The following UPF2 variants were observed in gnomAD, a reference collection of about 807,000 sequenced individuals.
UPF2 encodes UPF2 regulator of nonsense mediated mRNA decay, also known as regulator of nonsense transcripts 2.
In UPF2, 17 loss-of-function variants were observed where a neutral mutation model predicts 141.4. The observed-to-expected ratio is 0.12, with a 90% CI of 0.08 to 0.18. The LOEUF is 0.18. Ranked by LOEUF, UPF2 falls within the 10% of genes least tolerant of loss-of-function variation. UPF2 has a pLI of 1.00. For synonymous variants in UPF2, 540 were observed against 498.0 expected (o/e 1.08, Z -1.12); for missense variants, 1,152 against 1,515.9 (o/e 0.76, Z 3.99).
chr10:11,988,898 G>A (rs953710240), intron 8 of UPF2, among the ~76,000 whole-genome samples: 4 of 152,156 alleles, frequency 2.6e-5, no homozygotes, highest in African/African-American at 9.7e-5. Context: ...TATGGGGTCT[G>A]GAAGAATCAG....
At chr10:11,960,689 G>T (rs2131196185) in intron 11 of UPF2, among the ~76,000 whole-genome samples, 1 of 152,102 alleles carries the variant, frequency 6.6e-6, no homozygotes, top group Non-Finnish European at 1.5e-5. Context: ...AGGACTGCCT[G>T]AACCCAGGAG....
At chr10:11,970,219 A>T (rs1588543758) in intron 9 of UPF2, among the ~76,000 whole-genome samples, 1 of 152,356 alleles carries the variant, frequency 6.6e-6, no homozygotes, top group South Asian at 2.1e-4. Context: ...AATGTACAGG[A>T]CAAAAGAAGA....
intron 3 of UPF2, among the ~76,000 whole-genome samples, chr10:12,021,976 C>T (rs1223582112): frequency 1.3e-5 from 2 of 152,072 alleles, no homozygotes; most frequent in Admixed American, 1.3e-4. Context: ...CCTGTCTCTG[C>T]TAAAAATACA....
chr10:12,020,232 T>TG (rs1834293298), intron 3 of UPF2, among the ~76,000 whole-genome samples: 1 of 151,832 alleles, frequency 6.6e-6, no homozygotes, highest in East Asian at 1.9e-4. Context: ...CTTTGTATTA[T>TG]CCTAAAAAAT....
chr10:12,030,463 G>A (rs1308630818), intron 2 of UPF2, among the ~76,000 whole-genome samples: 1 of 151,940 alleles, frequency 6.6e-6, no homozygotes, highest in Non-Finnish European at 1.5e-5. Flanking sequence ...AAACCTGGGA[G>A]TCGGAGACTG....
chr10:12,008,642 A>G (rs2131277031), intron 4 of UPF2, among the ~76,000 whole-genome samples: 1 of 151,902 alleles, frequency 6.6e-6, no homozygotes, highest in South Asian at 2.1e-4. Flanking sequence ...AAAAAAAAAA[A>G]AAAAAAAAAG....
intron 14 of UPF2, 124 bp downstream of exon 14, chr10:11,955,108 T>C: frequency 2.1e-6 from 2 of 937,956 alleles, no homozygotes; most frequent in African/African-American, 3.4e-5. Context: ...ATATGAAGAA[T>C]ATAATCTAAT....
intron 8 of UPF2, among the ~76,000 whole-genome samples, chr10:11,987,783 A>G (rs1018426631): frequency 1.3e-5 from 2 of 148,698 alleles, no homozygotes; most frequent in African/African-American, 4.9e-5. Flanking sequence ...AAAAAAAAAA[A>G]AAAAAAGGCT....
chr10:11,949,564 C>G (rs147269359), intron 15 of UPF2, among the ~76,000 whole-genome samples: 19 of 152,244 alleles, frequency 1.2e-4, no homozygotes, highest in Non-Finnish European at 2.4e-4. Flanking sequence ...TATAAGACCC[C>G]TGAGGACAAA....
At chr10:11,968,287 C>T (rs915916624) in intron 9 of UPF2, among the ~76,000 whole-genome samples, 2 of 152,062 alleles carry the variant, frequency 1.3e-5, no homozygotes, top group Non-Finnish European at 2.9e-5. Context: ...GTTCCATGGT[C>T]GAGTAATTTG....
At chr10:11,985,668 G>A (rs545661562) in intron 8 of UPF2, among the ~76,000 whole-genome samples, 14 of 151,134 alleles carry the variant, frequency 9.3e-5, no homozygotes, top group Non-Finnish European at 1.9e-4. Context: ...TGCTTTCTTC[G>A]TGTTCTGTCT....
chr10:11,939,092 G>A lies in UPF2; in HGVS notation c.3379-2380C>T, dbSNP rs966362933. ...TCACCGTGTTAGCTAGGAGGGTCTC[G>A]ATCTCCTGACCTCGTGATCCTCCCA... is the stretch of plus-strand genomic sequence containing the variant. On this transcript the variant is annotated intron_variant, in intron 18 of 21. Coordinates refer to ENST00000357604, the MANE Select transcript of UPF2 (RefSeq NM_015542.4). The surrounding 1 kb of genome is among the most constrained non-coding windows in gnomAD (Gnocchi z 4.8). Among the ~76,000 whole-genome samples, 3 of 151,796 alleles carry A rather than the reference G, an allele frequency of 2.0e-5. No individual in the cohort carries two copies. The highest frequency in any genetic ancestry group is 1.9e-4 in the East Asian group (1 of 5,166).
chr10:11,926,214 C>T (rs1286940843), intron 21 of UPF2, among the ~76,000 whole-genome samples: 2 of 152,232 alleles, frequency 1.3e-5, no homozygotes, highest in African/African-American at 4.8e-5. Context: ...AATAACACAA[C>T]TTCCTTTTCT....
Position 12,042,295 on chromosome 10 carries a change from C to T in UPF2, c.-19+460G>A, listed in dbSNP as rs377563743. 2.6e-5 allele frequency among the ~76,000 whole-genome samples: 4 copies of T among 152,210 alleles called. No homozygotes were observed. In the East Asian group the frequency reaches 7.7e-4, roughly 29 times the overall value. On this transcript the variant is annotated intron_variant, in intron 1 of 21. Coordinates refer to ENST00000357604, the MANE Select transcript of UPF2 (RefSeq NM_015542.4). This position sits in a 1 kb window ranked among gnomAD's most constrained non-coding sequence, Gnocchi z 5.5. ...CCCAACTTCTCGCCCCACACTCCCT[C>T]GCCACAGAAGCCTTCCCGGCCGGTC...
chr10:11,956,637 T>G lies in UPF2; in HGVS notation c.2371-114A>C, dbSNP rs536099260. Reference sequence around the variant, plus strand: ...AGAACTTTTGAAATAGAAAATACATTAGAAATCCTCTATCGGCCTCTTCAG... The same window carrying G: ...AGAACTTTTGAAATAGAAAATACATGAGAAATCCTCTATCGGCCTCTTCAG... On this transcript the variant is annotated intron_variant, in intron 12 of 21. Transcript: ENST00000357604. The surrounding 1 kb of genome is among the most constrained non-coding windows in gnomAD (Gnocchi z 4.2). 2 of 893,950 alleles carry G rather than the reference T, an allele frequency of 2.2e-6. No homozygotes were observed. The highest frequency in any genetic ancestry group is 3.0e-5 in the South Asian group (2 of 66,158). The allele number at this position is 893,950 out of a possible 1,614,324, so 55.4% of individuals were successfully genotyped here.
chr10:11,958,512 G>C (rs942574198), intron 12 of UPF2, among the ~76,000 whole-genome samples: 2 of 152,124 alleles, frequency 1.3e-5, no homozygotes, highest in African/African-American at 4.8e-5. Context: ...GAGGAAGCTG[G>C]TTTCAATTTT....
At chr10:11,994,572 A>G (rs1221186201) in intron 8 of UPF2, among the ~76,000 whole-genome samples, 3 of 152,188 alleles carry the variant, frequency 2.0e-5, no homozygotes, top group Admixed American at 2.0e-4. Context: ...AGAGCCTTAT[A>G]ATTTATTATT....
chr10:11,970,719 C>G (rs1053090836), intron 9 of UPF2, among the ~76,000 whole-genome samples: 15 of 152,008 alleles, frequency 9.9e-5, no homozygotes, highest in African/African-American at 3.4e-4. Context: ...GGCTGAGGCA[C>G]AAGAATTGCT....
At chr10:11,964,763 C>T (rs931087351) in intron 10 of UPF2, among the ~76,000 whole-genome samples, 7 of 152,142 alleles carry the variant, frequency 4.6e-5, no homozygotes, top group African/African-American at 1.4e-4. Flanking sequence ...CAATTGCCTT[C>T]CATTTCTTGC....
Sources: gnomAD v4.1 joint callset for allele counts (sites outside exome capture counted in the v4.1 genomes callset) on GRCh38, gnomAD v4.1.1 for gene constraint, Gnocchi (gnomAD v3.1) non-coding constraint, MANE v1.5 for transcripts, NCBI Gene and HGNC (gene_info 2026-07-23, HGNC 2026-07-21) for gene names.